Variants in TLN2 observed in about 807,000 individuals in gnomAD.
TLN2 encodes the protein talin-2.
In TLN2, 118 loss-of-function variants were observed where a neutral mutation model predicts 294.7. That is an observed-to-expected ratio of 0.40 (90% confidence interval 0.34 to 0.47). TLN2 has a LOEUF of 0.47. Among genes scored for constraint, TLN2 ranks in the 20% least tolerant of loss-of-function variants. The pLI, the probability that TLN2 is intolerant of heterozygous loss-of-function variation, is 0.84. For synonymous variants in TLN2, 1,431 were observed against 1,304.5 expected, an observed-to-expected ratio of 1.10 and a Z score of -2.09; for missense variants, 3,083 against 3,282.2, an observed-to-expected ratio of 0.94 and a Z score of 1.48.
At chr15:62,566,567 G>C (rs375870387) in intron 1 of TLN2, among the ~76,000 whole-genome samples, 76 of 151,966 alleles carry the variant, frequency 5.0e-4, no homozygotes, top group African/African-American at 1.8e-3. Context: ...ATTTGCGAAG[G>C]CCTGATGAGT....
intron 1 of TLN2, among the ~76,000 whole-genome samples, chr15:62,568,471 G>C (rs1011351129): frequency 2.0e-5 from 3 of 152,212 alleles, no homozygotes; most frequent in African/African-American, 7.2e-5. Context: ...AAAAGGTAGG[G>C]AGTGATGAAC....
intron 12 of TLN2, 58 bp downstream of exon 12, chr15:62,686,854 G>C: frequency 6.3e-7 from 1 of 1,592,318 alleles, no homozygotes; most frequent in Non-Finnish European, 8.5e-7. Flanking sequence ...ATATTGTGGG[G>C]ACAGGAGAAA....
intron 1 of TLN2, among the ~76,000 whole-genome samples, chr15:62,489,184 A>G (rs2038573537): frequency 6.6e-6 from 1 of 152,104 alleles, no homozygotes. Flanking sequence ...GAAAATATAA[A>G]TATAGAATGC....
At chr15:62,818,117 G>C (rs565499039) in intron 52 of TLN2, among the ~76,000 whole-genome samples, 1 of 152,054 alleles carries the variant, frequency 6.6e-6, no homozygotes, top group East Asian at 1.9e-4. Context: ...GCCTCCGTTT[G>C]ATCTTTGTGC....
intron 37 of TLN2, among the ~76,000 whole-genome samples, chr15:62,757,819 G>A (rs957599431): frequency 1.5e-4 from 23 of 152,180 alleles, no homozygotes; most frequent in African/African-American, 4.1e-4. Context: ...CTGCCCCTCC[G>A]CGTGTGGAAA....
chr15:62,709,627 T>C lies in TLN2; in HGVS notation c.2467+831T>C, dbSNP rs550223943. Among the ~76,000 whole-genome samples the C allele has an allele frequency of 2.6e-5, 4 of 152,344 alleles. No individual in the cohort carries two copies. In the South Asian group the frequency reaches 8.3e-4, roughly 32 times the overall value. ...ACGCAATACACCTTTTTATAATCTA[T>C]TGAAAAGTAAGTCTCCCCAAACCCA... On this transcript the variant is annotated intron_variant, in intron 21 of 58. Coordinates refer to ENST00000636159, the MANE Select transcript of TLN2 (RefSeq NM_015059.3).
At chr15:62,633,967 C>A (rs955286707) in intron 3 of TLN2, among the ~76,000 whole-genome samples, 1 of 152,164 alleles carries the variant, frequency 6.6e-6, no homozygotes, top group Non-Finnish European at 1.5e-5. Context: ...TTTACATCAT[C>A]TTTCCTGTGT....
At chr15:62,654,890 C>T (rs1370095269) in intron 7 of TLN2, among the ~76,000 whole-genome samples, 1 of 151,770 alleles carries the variant, frequency 6.6e-6, no homozygotes, top group Admixed American at 6.6e-5. Flanking sequence ...CTGTTTGCAC[C>T]TTGCTGCCTG....
intron 2 of TLN2, among the ~76,000 whole-genome samples, chr15:62,599,150 GC>G (rs986771333): frequency 1.1e-4 from 16 of 152,154 alleles, no homozygotes; most frequent in Non-Finnish European, 2.4e-4. Flanking sequence ...TGATGTTTAT[GC>G]CCCCAAACAG....
chr15:62,752,377 G>A lies in TLN2; in HGVS notation c.4282G>A (p.Val1428Met). ...AGACCTCCCTGCCTTTGGGGAATGT[G>A]TGGGGATTGCATCCAAGGCTCTCTG... Reference protein sequence around the residue: ...TGDLPAFGECVGIASKALCGL... With the variant: ...TGDLPAFGECMGIASKALCGL... Residue 1428 changes from valine to methionine, a missense_variant, in exon 35 of 59, where the codon GTG becomes ATG. Physicochemically the swap from Val to Met is conservative, Grantham distance 21 (BLOSUM62 1). Transcript: ENST00000636159. 2 of 1,614,196 alleles carry A rather than the reference G, an allele frequency of 1.2e-6. No individual in the cohort carries two copies. Among genetic ancestry groups the A allele is most frequent in the South Asian group, 1.1e-5 (1 of 91,086 alleles).
intron 34 of TLN2, 125 bp from the exon 35 acceptor site, chr15:62,752,180 A>C (rs7171264): frequency 1.6e-6 from 2 of 1,249,212 alleles, no homozygotes; most frequent in East Asian, 4.7e-5. Flanking sequence ...AATCCAAATA[A>C]AGGAGAAAAT....
chr15:62,420,082 A>G (rs976915549), intron 1 of TLN2, among the ~76,000 whole-genome samples: 1 of 152,216 alleles, frequency 6.6e-6, no homozygotes, highest in Non-Finnish European at 1.5e-5. Flanking sequence ...GAACAATAAC[A>G]CCAATCAGCC....
At chr15:62,445,487 T>G (rs986478579) in intron 1 of TLN2, among the ~76,000 whole-genome samples, 2 of 152,198 alleles carry the variant, frequency 1.3e-5, no homozygotes, top group Non-Finnish European at 2.9e-5. Context: ...ACACACACCC[T>G]TAAGTAGCAT....
Position 62,610,837 on chromosome 15 carries a change from T to C in TLN2, c.-161-7514T>C, listed in dbSNP as rs552289586. Among the ~76,000 whole-genome samples the C allele has an allele frequency of 3.3e-5, 5 of 152,272 alleles. No homozygotes were observed. In the South Asian group the frequency reaches 8.3e-4, roughly 25 times the overall value. On this transcript the variant is annotated intron_variant, in intron 2 of 58. Transcript: ENST00000636159. The stretch of plus-strand genomic sequence containing the variant: ...ATACAGGCTCTACAAATAATGAGGA[T>C]CACCTGTGTATCTCTGTATGTGCAC...
chr15:62,536,359 G>A (rs1373340366), intron 1 of TLN2, among the ~76,000 whole-genome samples: 1 of 152,184 alleles, frequency 6.6e-6, no homozygotes, highest in Non-Finnish European at 1.5e-5. Flanking sequence ...CACAGGTCTT[G>A]TCAATTCCCT....
intron 51 of TLN2, among the ~76,000 whole-genome samples, chr15:62,807,506 C>T (rs917412858): frequency 6.6e-6 from 1 of 152,164 alleles, no homozygotes; most frequent in East Asian, 1.9e-4. Context: ...TGTTCAAGGT[C>T]GCTATGGTTG....
chr15:62,534,745 C>T (rs2041241219), intron 1 of TLN2, among the ~76,000 whole-genome samples: 1 of 152,130 alleles, frequency 6.6e-6, no homozygotes, highest in East Asian at 1.9e-4. Flanking sequence ...TGGCTAGGGG[C>T]CCCTAGTCAT....
chr15:62,755,645 A>G lies in TLN2; in HGVS notation c.4590A>G (p.Ser1530=), dbSNP rs202075569. The G allele has an allele frequency of 4.4e-5, 71 of 1,614,158 alleles. No individual in the cohort carries two copies. Among genetic ancestry groups the G allele is most frequent in the Non-Finnish European group, 5.7e-5 (67 of 1,180,052 alleles). Residue 1530 remains serine, a synonymous_variant, in exon 37 of 59, where the codon TCA becomes TCG. Coordinates refer to ENST00000636159, the MANE Select transcript of TLN2 (RefSeq NM_015059.3). ...TAGCCAAGAGGCACTTCGTCCAGTC[A>G]GCCAAGGAAGTCGCCAACAGCACTG... ...NPVAKRHFVQ[S]AKEVANSTAN...
At chr15:62,587,781 T>G (rs750886308) in intron 1 of TLN2, among the ~76,000 whole-genome samples, 6 of 152,360 alleles carry the variant, frequency 3.9e-5, no homozygotes, top group Non-Finnish European at 7.3e-5. Flanking sequence ...GTTTCCAATT[T>G]ATATTCCGTT....
Sources: allele counts gnomAD v4.1 joint callset (sites outside exome capture counted in the v4.1 genomes callset), GRCh38; gene constraint gnomAD v4.1.1; transcripts MANE v1.5; gene names NCBI Gene and HGNC (gene_info 2026-07-23, HGNC 2026-07-21).